The following CNTN4 variants were observed in gnomAD, a reference collection of about 807,000 sequenced individuals.
The protein encoded by CNTN4 is contactin-4.
A neutral mutation model predicts 122.5 loss-of-function variants in CNTN4; 77 were observed. That is an observed-to-expected ratio of 0.63 (90% CI 0.52 to 0.76). CNTN4 has a LOEUF of 0.76. Among genes scored for constraint, CNTN4 ranks in the 30% least tolerant of loss-of-function variants. The pLI is 0.00. For missense variants in CNTN4, 1,256 were observed against 1,259.1 expected, an observed-to-expected ratio of 1.00 and a Z score of 0.04; for synonymous variants, 512 against 447.0, an observed-to-expected ratio of 1.15 and a Z score of -1.83.
chr3:2,318,506 A>G (rs2043183986), intron 2 of CNTN4, among the ~76,000 whole-genome samples: 1 of 152,146 alleles, frequency 6.6e-6, no homozygotes, highest in Non-Finnish European at 1.5e-5. Context: ...TAATTAATCA[A>G]GATGTTTGTA....
At chr3:2,169,705 TTAAAGC>T (rs2149229287) in intron 2 of CNTN4, among the ~76,000 whole-genome samples, 1 of 152,230 alleles carries the variant, frequency 6.6e-6, no homozygotes, top group Non-Finnish European at 1.5e-5. Flanking sequence ...CCTAGAAACT[TTAAAGC>T]TATTATGAAA....
rs535077536 is a variant in CNTN4 at position 2,888,899 on chromosome 3, C to T, written c.940+1675C>T. On this transcript the variant is annotated intron_variant, in intron 10 of 24. Coordinates refer to ENST00000418658, the MANE Select transcript of CNTN4 (RefSeq NM_175607.3). ...CAAATTCCTGTTTGTTCCCTTTGCTCCTCCTTGGAAGTGCCTGTTTACAGC... is the reference window on the plus strand; with the variant it reads ...CAAATTCCTGTTTGTTCCCTTTGCTTCTCCTTGGAAGTGCCTGTTTACAGC... Among the ~76,000 whole-genome samples, 4 of 152,172 alleles carry T rather than the reference C, an allele frequency of 2.6e-5. No individual in the cohort carries two copies. The South Asian group carries it at 8.3e-4, about 32-fold the overall frequency.
At chr3:2,670,466 T>A (rs1442727716) in intron 4 of CNTN4, among the ~76,000 whole-genome samples, 1 of 152,206 alleles carries the variant, frequency 6.6e-6, no homozygotes, top group Admixed American at 6.5e-5. Context: ...CTCCATCCCT[T>A]TACTTTGAGC....
chr3:2,931,041 A>G (rs1244976714), intron 13 of CNTN4, among the ~76,000 whole-genome samples: 2 of 152,190 alleles, frequency 1.3e-5, no homozygotes, highest in Non-Finnish European at 2.9e-5. Flanking sequence ...GAATTGAAGG[A>G]TTTTATGCAA....
chr3:2,482,394 TA>T (rs1231723755), intron 3 of CNTN4, among the ~76,000 whole-genome samples: 1 of 151,238 alleles, frequency 6.6e-6, no homozygotes. Flanking sequence ...AAGCAGATCA[TA>T]AAAGTTTGGA....
At chr3:2,656,309 G>A (rs1300657557) in intron 4 of CNTN4, among the ~76,000 whole-genome samples, 1 of 152,210 alleles carries the variant, frequency 6.6e-6, no homozygotes, top group Non-Finnish European at 1.5e-5. Flanking sequence ...AGGTAAAAAT[G>A]TAGTCTAAGG....
At chr3:2,566,070 C>T (rs1272951364) in intron 3 of CNTN4, among the ~76,000 whole-genome samples, 1 of 152,222 alleles carries the variant, frequency 6.6e-6, no homozygotes, top group Non-Finnish European at 1.5e-5. Context: ...GCTCTGAAAC[C>T]TGTGCTATCC....
chr3:2,297,135 A>G (rs1647203982), intron 2 of CNTN4, among the ~76,000 whole-genome samples: 1 of 152,156 alleles, frequency 6.6e-6, no homozygotes, highest in Admixed American at 6.5e-5. Flanking sequence ...GGTACTTTAA[A>G]TGTCAACCGT....
At chr3:2,457,706 T>C (rs754336578) in intron 3 of CNTN4, among the ~76,000 whole-genome samples, 2 of 152,110 alleles carry the variant, frequency 1.3e-5, no homozygotes, top group Non-Finnish European at 2.9e-5. Flanking sequence ...ATAGCCCCTG[T>C]CTGCCATATT....
chr3:2,550,780 A>G (rs1575955989), intron 3 of CNTN4, among the ~76,000 whole-genome samples: 1 of 152,164 alleles, frequency 6.6e-6, no homozygotes, highest in South Asian at 2.1e-4. Flanking sequence ...ATAAAAAAGG[A>G]TGAGCGTATG....
chr3:2,586,730 G>C (rs555652061), intron 4 of CNTN4, among the ~76,000 whole-genome samples: 1 of 152,356 alleles, frequency 6.6e-6, no homozygotes, highest in Non-Finnish European at 1.5e-5. Flanking sequence ...GAGACAACCA[G>C]ATTAAACTGT....
At chr3:2,452,805 A>T (rs2048876161) in intron 3 of CNTN4, among the ~76,000 whole-genome samples, 1 of 152,136 alleles carries the variant, frequency 6.6e-6, no homozygotes, top group Non-Finnish European at 1.5e-5. Flanking sequence ...ATCATAAAAA[A>T]TACAAAACAA....
intron 3 of CNTN4, among the ~76,000 whole-genome samples, chr3:2,393,407 T>C (rs189830778): frequency 1.9e-4 from 29 of 152,338 alleles, no homozygotes; most frequent in Non-Finnish European, 2.5e-4. Flanking sequence ...CCACAGTGTC[T>C]TGAGGCCTTC....
chr3:2,369,292 C>T (rs2045538873), intron 3 of CNTN4, among the ~76,000 whole-genome samples: 1 of 152,280 alleles, frequency 6.6e-6, no homozygotes, highest in African/African-American at 2.4e-5. Flanking sequence ...GGAAAGCTAA[C>T]ATTTTAAACT....
chr3:2,331,880 C>G (rs549716553), intron 2 of CNTN4, among the ~76,000 whole-genome samples: 1 of 152,162 alleles, frequency 6.6e-6, no homozygotes, highest in African/African-American at 2.4e-5. Flanking sequence ...CCTGCCCAGT[C>G]CCCTGCCGCT....
intron 2 of CNTN4, among the ~76,000 whole-genome samples, chr3:2,219,524 A>G (rs2038978363): frequency 6.6e-6 from 1 of 152,216 alleles, no homozygotes. Context: ...AGGCCCCCTC[A>G]GTTATCCACT....
intron 2 of CNTN4, among the ~76,000 whole-genome samples, chr3:2,218,474 C>T (rs9879673): frequency 0.012 from 1,819 of 152,080 alleles, 34 homozygotes; most frequent in African/African-American, 0.041. Context: ...GTGCTGTGAG[C>T]GCACCTGTGA....
intron 3 of CNTN4, among the ~76,000 whole-genome samples, chr3:2,443,642 C>T (rs2048516841): frequency 6.6e-6 from 1 of 152,042 alleles, no homozygotes; most frequent in South Asian, 2.1e-4. Context: ...TGACTGAGCT[C>T]AATTTTAAAT....
At chr3:2,819,295 G>A (rs76016918) in intron 6 of CNTN4, among the ~76,000 whole-genome samples, 191 bp from the exon 7 acceptor site, 1,752 of 152,134 alleles carry the variant, frequency 0.012, 31 homozygotes, top group African/African-American at 0.04. Flanking sequence ...ATATTTTAGT[G>A]GACAGTATAA....
Sources: gnomAD v4.1 joint callset for allele counts (sites outside exome capture counted in the v4.1 genomes callset) on GRCh38, gnomAD v4.1.1 for gene constraint, MANE v1.5 for transcripts, NCBI Gene and HGNC (gene_info 2026-07-23, HGNC 2026-07-21) for gene names.